EPB41L3: variants seen among roughly 807,000 people sequenced by gnomAD.
EPB41L3 encodes the protein erythrocyte membrane protein band 4.1 like 3, also known as band 4.1-like protein 3.
EPB41L3 carries 57 observed loss-of-function variants against 127.1 expected under a neutral mutation model. That is an observed-to-expected ratio of 0.45 (90% confidence interval 0.36 to 0.56). The LOEUF is 0.56. Among genes scored for constraint, EPB41L3 ranks in the 20% least tolerant of loss-of-function variants. The pLI, the probability that EPB41L3 is intolerant of heterozygous loss-of-function variation, is 0.00. For missense variants in EPB41L3, 1,273 were observed against 1,372.2 expected (o/e 0.93, Z 1.14); for synonymous variants, 572 against 549.5 (o/e 1.04, Z -0.57).
chr18:5,591,845 T>C (rs1304392548), intron 3 of EPB41L3, among the ~76,000 whole-genome samples: 1 of 152,162 alleles, frequency 6.6e-6, no homozygotes, highest in Non-Finnish European at 1.5e-5. Flanking sequence ...GAGAACACTA[T>C]TAAATAGATA....
intron 3 of EPB41L3, among the ~76,000 whole-genome samples, chr18:5,454,823 G>A (rs1327994579): frequency 6.6e-6 from 1 of 152,148 alleles, no homozygotes; most frequent in East Asian, 1.9e-4. Context: ...GTGAACATGT[G>A]TGTTTAATTT....
chr18:5,469,776 T>C (rs1351667780), intron 3 of EPB41L3, among the ~76,000 whole-genome samples: 2 of 148,636 alleles, frequency 1.3e-5, no homozygotes, highest in Non-Finnish European at 3.0e-5. Context: ...AGAATGAATT[T>C]TTTTTTTTTT....
rs186566964 is a variant in EPB41L3 at position 5,453,626 on chromosome 18, G to A, written c.382-8382C>T. Among the ~76,000 whole-genome samples, 12 of 152,250 alleles carry A rather than the reference G, an allele frequency of 7.9e-5. No individual in the cohort carries two copies. In the East Asian group the frequency reaches 1.5e-3, roughly 20 times the overall value. On this transcript the variant is annotated intron_variant, in intron 3 of 22. Transcript: ENST00000341928. ...CCTTATTTGAGGGGCTGTCTACACC[G>A]TAAGTACTTCATTCTCTCCATCACC...
chr18:5,461,970 G>A (rs964074487), intron 3 of EPB41L3, among the ~76,000 whole-genome samples: 3 of 152,128 alleles, frequency 2.0e-5, no homozygotes, highest in African/African-American at 7.2e-5. Context: ...GAGACCAATA[G>A]TTCAGCACCA....
Position 5,438,035 on chromosome 18 carries a change from C to A in EPB41L3, c.605G>T (p.Arg202Met). The part of the protein sequence containing the change: ...DPAQLSEDIT[R>M]YYLCLQLRDD... The stretch of plus-strand genomic sequence containing the variant: ...TTTTGCATAGCCAACTTTCAAATAC[C>A]TGGTGATATCTTCAGATAGTTGGGC... The change falls in exon 6 of 23, where the codon AGG (arginine) becomes ATG (methionine). Residue 202 changes from arginine to methionine, a missense_variant and splice_region_variant. By Grantham distance (91) the Arg-to-Met change is moderately conservative. This residue lies in a region of EPB41L3 where 326 missense variants were observed against 440.2 expected (regional missense o/e 0.74). Coordinates refer to ENST00000341928, the MANE Select transcript of EPB41L3 (RefSeq NM_012307.5). 6.2e-7 allele frequency: 1 copy of A among 1,613,352 alleles called. No homozygotes were observed. Among genetic ancestry groups the A allele is most frequent in the Non-Finnish European group, 8.5e-7 (1 of 1,179,660 alleles).
chr18:5,465,316 C>A (rs2084763063), intron 3 of EPB41L3, among the ~76,000 whole-genome samples: 1 of 152,170 alleles, frequency 6.6e-6, no homozygotes, highest in Admixed American at 6.5e-5. Flanking sequence ...TGGGAAAACA[C>A]AAATACTATT....
intron 3 of EPB41L3, among the ~76,000 whole-genome samples, chr18:5,600,150 C>A (rs1195322165): frequency 6.6e-6 from 1 of 152,032 alleles, no homozygotes; most frequent in Non-Finnish European, 1.5e-5. Context: ...AAAATTTAAG[C>A]ACCTGTTTAC....
rs1020376201 is a variant in EPB41L3 at position 5,475,707 on chromosome 18, C to T, written c.381+2534G>A. 5.3e-5 allele frequency among the ~76,000 whole-genome samples: 8 copies of T among 152,308 alleles called. 1 individual carries two copies. Among genetic ancestry groups the T allele is most frequent in the Admixed American group, 4.6e-4 (7 of 15,302 alleles). ...TCCCTTTTATCAGAGTAAAGTTTTA[C>T]CTCCACTCCTGCTAAATGTTAGCTT... On this transcript the variant is annotated intron_variant, in intron 3 of 22. Transcript: ENST00000341928.
chr18:5,444,987 TA>T (rs2081281323), intron 4 of EPB41L3, among the ~76,000 whole-genome samples, 152 bp downstream of exon 4: 1 of 152,210 alleles, frequency 6.6e-6, no homozygotes, highest in Non-Finnish European at 1.5e-5. Context: ...CATCAAGGAA[TA>T]GATGATTAAC....
intron 2 of EPB41L3, among the ~76,000 whole-genome samples, chr18:5,484,112 A>AAAAAAAAAAAAAAAACC (rs1568375677): frequency 7.2e-6 from 1 of 138,446 alleles, no homozygotes; most frequent in African/African-American, 2.9e-5. Flanking sequence ...AAAAAAAAAA[A>AAAAAAAAAAAAAAAACC]AAAAAAAAAC....
Position 5,397,173 on chromosome 18 carries a change from ACCTCCTCCCCTCCTTCCTCTTTAGCCC to A in EPB41L3, c.2699_2725del (p.Gly900_Glu908del). On this transcript the variant is annotated inframe_deletion, in exon 18 of 23. Transcript: ENST00000341928. The surrounding 1 kb of genome is among the most constrained non-coding windows in gnomAD (Gnocchi z 4.1). ...TTCCTGTTCCAGGACAGCTTTAGCG[ACCTCCTCCCCTCCTTCCTCTTTAGCCC>A]CCTCCGTCAAGGCAGAGCCCTCTTT... 1 of 1,612,728 alleles carries A rather than the reference ACCTCCTCCCCTCCTTCCTCTTTAGCCC, an allele frequency of 6.2e-7. No individual in the cohort carries two copies. Among genetic ancestry groups the A allele is most frequent in the Non-Finnish European group, 8.5e-7 (1 of 1,179,318 alleles).
intron 18 of EPB41L3, 141 bp from the exon 19 acceptor site, chr18:5,396,473 C>A: frequency 1.1e-6 from 1 of 906,852 alleles, no homozygotes; most frequent in Non-Finnish European, 1.7e-6. Context: ...GGGAATGAGG[C>A]ATACAACATG....
intron 16 of EPB41L3, among the ~76,000 whole-genome samples, chr18:5,403,730 A>T (rs2074905820): frequency 6.6e-6 from 1 of 152,068 alleles, no homozygotes; most frequent in East Asian, 1.9e-4. Flanking sequence ...TGAGTTAAAT[A>T]TTTCCATTTG....
At chr18:5,508,956 C>T (rs531057325) in intron 1 of EPB41L3, among the ~76,000 whole-genome samples, 1 of 152,190 alleles carries the variant, frequency 6.6e-6, no homozygotes, top group African/African-American at 2.4e-5. Context: ...ATGCCATCTG[C>T]CTGGGAGTGC....
chr18:5,539,372 A>G lies in EPB41L3; in HGVS notation c.-12+4541T>C, dbSNP rs542233113. On this transcript the variant is annotated intron_variant, in intron 1 of 22. Coordinates refer to ENST00000341928, the MANE Select transcript of EPB41L3 (RefSeq NM_012307.5). ...CTTTTTCTCTGTACTGCAAATTACAAAAGAATTGGTGCTAATAGAAGCTTA... is the reference window on the plus strand; with the variant it reads ...CTTTTTCTCTGTACTGCAAATTACAGAAGAATTGGTGCTAATAGAAGCTTA... Among the ~76,000 whole-genome samples the G allele has an allele frequency of 2.0e-5, 3 of 152,334 alleles. No homozygotes were observed. The South Asian group carries it at 6.2e-4, about 32-fold the overall frequency.
At chr18:5,396,540 G>A (rs2073513902) in intron 18 of EPB41L3, among the ~76,000 whole-genome samples, 2 of 151,956 alleles carry the variant, frequency 1.3e-5, no homozygotes, top group Non-Finnish European at 2.9e-5. Context: ...TCCAAGTAAA[G>A]CAAAACATTT....
At chr18:5,594,351 A>G (rs1785407) in intron 3 of EPB41L3, among the ~76,000 whole-genome samples, 60,668 of 152,034 alleles carry the variant, frequency 0.4, 12,784 homozygotes, top group Non-Finnish European at 0.47. Context: ...GTACATTACC[A>G]ATCTGGTAAA....
intron 3 of EPB41L3, among the ~76,000 whole-genome samples, chr18:5,607,468 C>T (rs1317192542): frequency 6.6e-6 from 1 of 152,186 alleles, no homozygotes; most frequent in East Asian, 1.9e-4. Flanking sequence ...TCATGTCCCT[C>T]TGCTTTTGAG....
rs2093798611 is a variant in EPB41L3 at position 5,543,349 on chromosome 18, C to T, written c.-12+564G>A. The stretch of plus-strand genomic sequence containing the variant: ...CGCGCTGCGCCCGCCCGCGCCTGCA[C>T]CCGGGACGAGCCCGCTGCCGCCGCG... On this transcript the variant is annotated intron_variant, in intron 1 of 22. Transcript: ENST00000341928. The surrounding 1 kb of genome is among the most constrained non-coding windows in gnomAD (Gnocchi z 5.2). 3 of 148,766 alleles carry T rather than the reference C, an allele frequency of 2.0e-5. No individual in the cohort carries two copies. In the South Asian group the frequency reaches 6.2e-4, roughly 31 times the overall value. 9.2% of individuals were successfully genotyped at this position (148,766 alleles called of 1,614,324 possible).
Sources: gnomAD v4.1 joint callset for allele counts (sites outside exome capture counted in the v4.1 genomes callset) on GRCh38, gnomAD v4.1.1 for gene constraint, gnomAD v4.1.1 regional missense constraint, Gnocchi (gnomAD v3.1) non-coding constraint, MANE v1.5 for transcripts, NCBI Gene and HGNC (gene_info 2026-07-23, HGNC 2026-07-21) for gene names.